The following IGF2BP3 variants were observed in gnomAD, a reference collection of about 807,000 sequenced individuals.
IGF2BP3 encodes the protein insulin-like growth factor 2 mRNA-binding protein 3.
A neutral mutation model predicts 73.8 loss-of-function variants in IGF2BP3; 9 were observed. That is an observed-to-expected ratio of 0.12 (90% CI 0.07 to 0.21). The LOEUF is 0.21. Ranked by LOEUF, IGF2BP3 falls within the 10% of genes least tolerant of loss-of-function variation. IGF2BP3 has a pLI of 1.00. For synonymous variants in IGF2BP3, 258 were observed against 256.7 expected (o/e 1.01, Z -0.05); for missense variants, 542 against 714.0 (o/e 0.76, Z 2.75).
intron 10 of IGF2BP3, among the ~76,000 whole-genome samples, chr7:23,323,754 G>A (rs1007476841): frequency 1.3e-5 from 2 of 152,114 alleles, no homozygotes; most frequent in Admixed American, 6.5e-5. Flanking sequence ...CTAGAACTCA[G>A]GATTAAGAAA....
intron 8 of IGF2BP3, among the ~76,000 whole-genome samples, chr7:23,345,632 G>A (rs74452222): frequency 0.015 from 2,308 of 152,306 alleles, 25 homozygotes; most frequent in Middle Eastern, 0.034. Flanking sequence ...GGGATAATGC[G>A]TTACACGACA....
In IGF2BP3 at chr7:23,424,493, T is replaced by C. The variant is rs1164664391; in HGVS notation, c.237-5669A>G. On this transcript the variant is annotated intron_variant, in intron 2 of 14. Transcript: ENST00000258729. Reference sequence around the variant, plus strand: ...GCCTGGGCGACAAAGCAAGACTCCATCTCAAAAAATAAAAATAAACAATTT... The same window carrying C: ...GCCTGGGCGACAAAGCAAGACTCCACCTCAAAAAATAAAAATAAACAATTT... 4.6e-5 allele frequency among the ~76,000 whole-genome samples: 7 copies of C among 152,080 alleles called. No individual in the cohort carries two copies. The East Asian group carries it at 1.3e-3, about 29-fold the overall frequency.
intron 10 of IGF2BP3, among the ~76,000 whole-genome samples, chr7:23,329,033 C>A (rs1340718976): frequency 6.6e-6 from 1 of 152,036 alleles, no homozygotes; most frequent in African/African-American, 2.4e-5. Context: ...CACCGTGAAA[C>A]CCCGTCTCTG....
intron 3 of IGF2BP3, among the ~76,000 whole-genome samples, chr7:23,410,976 T>G (rs1260337358): frequency 6.6e-6 from 1 of 152,220 alleles, no homozygotes; most frequent in Non-Finnish European, 1.5e-5. Flanking sequence ...GTTAATTCAG[T>G]ACCCGGCACA....
intron 2 of IGF2BP3, among the ~76,000 whole-genome samples, chr7:23,455,848 G>C (rs1788305165): frequency 6.6e-6 from 1 of 152,130 alleles, no homozygotes; most frequent in Non-Finnish European, 1.5e-5. Context: ...ACAACGCCCG[G>C]ATAATTTTTT....
intron 2 of IGF2BP3, chr7:23,431,238 T>A (rs935374334): frequency 6.6e-6 from 1 of 152,214 alleles, no homozygotes; most frequent in Non-Finnish European, 1.5e-5. Flanking sequence ...TTTTATAAAA[T>A]GAACTTTACT....
At chr7:23,380,504 C>T (rs1000280083) in intron 3 of IGF2BP3, among the ~76,000 whole-genome samples, 1 of 152,106 alleles carries the variant, frequency 6.6e-6, no homozygotes, top group African/African-American at 2.4e-5. Flanking sequence ...GGCATCCATG[C>T]AATTTAATAT....
chr7:23,412,443 A>AT (rs1787053432), intron 3 of IGF2BP3, among the ~76,000 whole-genome samples: 1 of 152,216 alleles, frequency 6.6e-6, no homozygotes, highest in Non-Finnish European at 1.5e-5. Flanking sequence ...CAAGACTGTG[A>AT]TTTTTAAGTA....
chr7:23,315,768 T>C (rs563224606), intron 12 of IGF2BP3, among the ~76,000 whole-genome samples: 5 of 152,350 alleles, frequency 3.3e-5, no homozygotes, highest in Admixed American at 2.0e-4. Flanking sequence ...CTTGAATTTG[T>C]AAGGAAAAAT....
intron 8 of IGF2BP3, among the ~76,000 whole-genome samples, chr7:23,345,506 C>A (rs565415031): frequency 1.3e-5 from 2 of 152,378 alleles, no homozygotes; most frequent in South Asian, 4.1e-4. Context: ...ATCAACTTGT[C>A]AGCAGCATTG....
intron 3 of IGF2BP3, among the ~76,000 whole-genome samples, chr7:23,389,087 G>T (rs925297358): frequency 6.6e-6 from 1 of 151,190 alleles, no homozygotes; most frequent in African/African-American, 2.4e-5. Flanking sequence ...CAATAAAGCT[G>T]TTTTTTAAAA....
intron 2 of IGF2BP3, among the ~76,000 whole-genome samples, chr7:23,437,621 T>C (rs1787836391): frequency 6.6e-6 from 1 of 152,324 alleles, no homozygotes. Context: ...GCAAAAAAGC[T>C]GCTGTACATG....
At chr7:23,457,005 C>T (rs1230806321) in intron 2 of IGF2BP3, among the ~76,000 whole-genome samples, 2 of 152,152 alleles carry the variant, frequency 1.3e-5, no homozygotes, top group Admixed American at 6.5e-5. Context: ...GCCAAAATCG[C>T]GCCACTGCAC....
chr7:23,459,636 G>C (rs560233368), intron 2 of IGF2BP3, among the ~76,000 whole-genome samples: 3 of 151,668 alleles, frequency 2.0e-5, no homozygotes, highest in African/African-American at 7.3e-5. Context: ...TTCGAGACCA[G>C]CCTGGCCAAC....
At chr7:23,333,629 A>C (rs1368345353) in intron 10 of IGF2BP3, among the ~76,000 whole-genome samples, 1 of 152,242 alleles carries the variant, frequency 6.6e-6, no homozygotes, top group African/African-American at 2.4e-5. Flanking sequence ...AACAGAAAAA[A>C]AGGGCACATA....
At chr7:23,422,540 T>C (rs757170543) in intron 2 of IGF2BP3, among the ~76,000 whole-genome samples, 3 of 152,140 alleles carry the variant, frequency 2.0e-5, no homozygotes, top group African/African-American at 4.8e-5. Context: ...GGGCAAGGGA[T>C]TGCGACCCTG....
intron 12 of IGF2BP3, 40 bp downstream of exon 12, chr7:23,317,599 T>C: frequency 6.6e-7 from 1 of 1,509,414 alleles, no homozygotes; most frequent in East Asian, 2.3e-5. Context: ...ACCTGTGCAT[T>C]TGTTACCTGT....
chr7:23,425,350 A>G (rs1787478342), intron 2 of IGF2BP3, among the ~76,000 whole-genome samples: 2 of 152,214 alleles, frequency 1.3e-5, no homozygotes, highest in South Asian at 4.1e-4. Flanking sequence ...TATCATTTTA[A>G]TAATTGTTTA....
At chr7:23,368,745 A>G (rs538286379) in intron 3 of IGF2BP3, among the ~76,000 whole-genome samples, 9 of 152,184 alleles carry the variant, frequency 5.9e-5, no homozygotes, top group Non-Finnish European at 7.4e-5. Context: ...TAAAAATACA[A>G]AATTAGCCGG....
Sources: gnomAD v4.1 joint callset for allele counts (sites outside exome capture counted in the v4.1 genomes callset) on GRCh38, gnomAD v4.1.1 for gene constraint, MANE v1.5 for transcripts, NCBI Gene and HGNC (gene_info 2026-07-23, HGNC 2026-07-21) for gene names.